Variants in ANO10 observed in about 807,000 individuals in gnomAD.
ANO10 encodes anoctamin 10.
Under a neutral mutation model 74.7 loss-of-function variants are expected in ANO10, and 77 were observed. That is an observed-to-expected ratio of 1.03 (90% CI 0.86 to 1.25). ANO10 has a LOEUF of 1.25. ANO10 is among the 50% of genes most tolerant of loss of function. The pLI is 0.00. For missense variants in ANO10, 721 were observed against 778.1 expected, an observed-to-expected ratio of 0.93 and a Z score of 0.87; for synonymous variants, 279 against 284.9, an observed-to-expected ratio of 0.98 and a Z score of 0.21.
intron 7 of ANO10, among the ~76,000 whole-genome samples, 161 bp from the exon 8 acceptor site, chr3:43,565,888 G>A (rs1050247570): frequency 5.3e-5 from 8 of 152,198 alleles, no homozygotes; most frequent in African/African-American, 1.7e-4. Context: ...GAGCGACGCA[G>A]AAGACGGGTG....
intron 11 of ANO10, among the ~76,000 whole-genome samples, chr3:43,511,118 G>C (rs939477834): frequency 6.6e-6 from 1 of 152,060 alleles, no homozygotes; most frequent in Non-Finnish European, 1.5e-5. Flanking sequence ...TTTTAAAGAC[G>C]ATCGTTTTAA....
At chr3:43,550,438 T>C (rs1367749961) in intron 10 of ANO10, among the ~76,000 whole-genome samples, 1 of 152,216 alleles carries the variant, frequency 6.6e-6, no homozygotes, top group Non-Finnish European at 1.5e-5. Context: ...GAGACTTTGG[T>C]GCATACTGCC....
At chr3:43,645,523 C>T (rs897098018) in intron 1 of ANO10, among the ~76,000 whole-genome samples, 1 of 151,918 alleles carries the variant, frequency 6.6e-6, no homozygotes, top group Non-Finnish European at 1.5e-5. Context: ...TTGAACTCCT[C>T]CTAGGGATAT....
At chr3:43,613,781 C>G (rs1402045359) in intron 1 of ANO10, among the ~76,000 whole-genome samples, 1 of 152,158 alleles carries the variant, frequency 6.6e-6, no homozygotes, top group Non-Finnish European at 1.5e-5. Context: ...CATGTGCTTA[C>G]TATGAGCCAG....
At chr3:43,481,528 C>A (rs899447914) in intron 11 of ANO10, among the ~76,000 whole-genome samples, 1 of 152,106 alleles carries the variant, frequency 6.6e-6, no homozygotes, top group Non-Finnish European at 1.5e-5. Context: ...GAACATGCCT[C>A]ATTATACCCT....
chr3:43,455,604 A>T (rs1375057437), intron 11 of ANO10, among the ~76,000 whole-genome samples: 1 of 152,042 alleles, frequency 6.6e-6, no homozygotes, highest in African/African-American at 2.4e-5. Flanking sequence ...CATCTCACAG[A>T]TCCTTTCTGG....
intron 2 of ANO10, among the ~76,000 whole-genome samples, chr3:43,601,093 T>G (rs2082319358): frequency 6.6e-6 from 1 of 152,224 alleles, no homozygotes; most frequent in Non-Finnish European, 1.5e-5. Context: ...TCTATTTGGT[T>G]TAATAATTTT....
chr3:43,657,635 G>T (rs1343525539), intron 1 of ANO10, among the ~76,000 whole-genome samples: 1 of 152,230 alleles, frequency 6.6e-6, no homozygotes, highest in African/African-American at 2.4e-5. Context: ...TAATCAATCT[G>T]ACTGGCGGCA....
At chr3:43,430,032 G>C (rs1346204256) in intron 12 of ANO10, among the ~76,000 whole-genome samples, 1 of 152,264 alleles carries the variant, frequency 6.6e-6, no homozygotes, top group Admixed American at 6.5e-5. Context: ...AGTGAGGACA[G>C]GCTATCATGA....
chr3:43,578,749 C>CAAAAAAAAAAAAAAAA (rs56186109), intron 5 of ANO10, among the ~76,000 whole-genome samples: 3 of 64,444 alleles, frequency 4.7e-5, no homozygotes, highest in Non-Finnish European at 6.0e-5. Flanking sequence ...GACTCCATCT[C>CAAAAAAAAAAAAAAAA]AAAAAAAAAA....
chr3:43,627,127 C>T (rs933619335), intron 1 of ANO10, among the ~76,000 whole-genome samples: 4 of 152,258 alleles, frequency 2.6e-5, no homozygotes, highest in African/African-American at 9.6e-5. Context: ...CCACCATCCA[C>T]CATTGTCTTC....
rs149914846 is a variant in ANO10, at chr3:43,555,380, A to G, written c.1566T>C (p.Ala522=). 10 of 1,614,080 alleles carry G rather than the reference A, an allele frequency of 6.2e-6. No individual in the cohort carries two copies. The highest frequency in any genetic ancestry group is 1.7e-5 in the Admixed American group (1 of 60,004). Residue 522 remains alanine, a synonymous_variant, in exon 10 of 13, where the codon GCT becomes GCC. Coordinates refer to ENST00000292246, the MANE Select transcript of ANO10 (RefSeq NM_018075.5). ...TTACTTCAGTGAAGTTATTTAACAC[A>G]GCAAAGGCAGCTGCTAATGGGTAAA... ...SCVYPLAAAF[A]VLNNFTEVNS... is the part of the protein sequence containing the mutation.
intron 1 of ANO10, among the ~76,000 whole-genome samples, chr3:43,629,213 A>C (rs916365223): frequency 6.6e-6 from 1 of 152,226 alleles, no homozygotes; most frequent in Non-Finnish European, 1.5e-5. Context: ...CTATGTGACT[A>C]TCGGGGCAGG....
intron 11 of ANO10, among the ~76,000 whole-genome samples, chr3:43,512,491 A>G (rs1407741339): frequency 6.6e-6 from 1 of 152,186 alleles, no homozygotes; most frequent in Non-Finnish European, 1.5e-5. Flanking sequence ...AGAGAGACTC[A>G]GTAATTTGCC....
intron 12 of ANO10, among the ~76,000 whole-genome samples, chr3:43,411,270 C>G (rs1356877836): frequency 1.3e-5 from 2 of 152,144 alleles, no homozygotes; most frequent in Non-Finnish European, 2.9e-5. Context: ...CAAGGCACAA[C>G]CCACTCTGAT....
chr3:43,522,138 G>A (rs1447576035), intron 11 of ANO10, among the ~76,000 whole-genome samples: 1 of 152,102 alleles, frequency 6.6e-6, no homozygotes, highest in African/African-American at 2.4e-5. Context: ...CCAGGGACTA[G>A]GGGAAGGGGG....
chr3:43,551,626 A>C (rs777399588), intron 10 of ANO10: 7 of 454,594 alleles, frequency 1.5e-5, no homozygotes, highest in Middle Eastern at 3.3e-4. Flanking sequence ...GCATATTCCA[A>C]AATCACATAT....
intron 1 of ANO10, among the ~76,000 whole-genome samples, chr3:43,611,072 T>G (rs2082793405): frequency 6.6e-6 from 1 of 152,212 alleles, no homozygotes; most frequent in South Asian, 2.1e-4. Context: ...TTTCTTTGTC[T>G]AAGTACACGG....
chr3:43,497,701 GA>G (rs2076964707), intron 11 of ANO10, among the ~76,000 whole-genome samples: 1 of 152,116 alleles, frequency 6.6e-6, no homozygotes, highest in Admixed American at 6.5e-5. Flanking sequence ...CCCTCCTACA[GA>G]ACCTTCCTAT....
Sources: gnomAD v4.1 joint callset for allele counts (sites outside exome capture counted in the v4.1 genomes callset) on GRCh38, gnomAD v4.1.1 for gene constraint, MANE v1.5 for transcripts, NCBI Gene and HGNC (gene_info 2026-07-23, HGNC 2026-07-21) for gene names.